ACTR3C: variants seen among roughly 807,000 people sequenced by gnomAD.
The protein encoded by ACTR3C is actin-related protein 3C.
In ACTR3C, 18 loss-of-function variants were observed where a neutral mutation model predicts 26.3. The observed-to-expected ratio is 0.68, with a 90% CI of 0.47 to 1.01. The LOEUF is 1.01. ACTR3C is among the 50% of genes least tolerant of loss of function. The probability of loss-of-function intolerance (pLI) is 0.00; values close to 1 mark genes in which losing one functional copy is unlikely to be tolerated. For synonymous variants in ACTR3C, 55 were observed against 94.5 expected (o/e 0.58, Z 2.42); for missense variants, 184 against 250.7 (o/e 0.73, Z 1.80).
At chr7:150,155,524 G>C in the ACTR3C span, among the ~76,000 whole-genome samples, 2 of 152,098 alleles carry the variant, frequency 1.3e-5, no homozygotes, top group South Asian at 4.2e-4. Flanking sequence ...AACACACAAC[G>C]TTTACATAAG....
the ACTR3C span, among the ~76,000 whole-genome samples, chr7:150,007,124 A>T: frequency 6.6e-6 from 1 of 152,012 alleles, no homozygotes; most frequent in African/African-American, 2.4e-5. Flanking sequence ...AAGTGTGAAG[A>T]CTGGGAAAGA....
chr7:150,180,574 G>A, the ACTR3C span, among the ~76,000 whole-genome samples: 9 of 143,980 alleles, frequency 6.3e-5, no homozygotes, highest in Non-Finnish European at 1.0e-4. Context: ...GTGCAGTGGC[G>A]CGGTCTCGGC....
At chr7:150,154,001 C>A in the ACTR3C span, among the ~76,000 whole-genome samples, 1 of 146,798 alleles carries the variant, frequency 6.8e-6, no homozygotes, top group East Asian at 2.0e-4. Flanking sequence ...CATATTCTCA[C>A]TTATAGGTGG....
At chr7:149,975,094 G>A in the ACTR3C span, among the ~76,000 whole-genome samples, 3 of 152,174 alleles carry the variant, frequency 2.0e-5, no homozygotes, top group Non-Finnish European at 4.4e-5. Context: ...GAATACACAT[G>A]TCCCCCCAGT....
chr7:149,906,489 T>C, the ACTR3C span, among the ~76,000 whole-genome samples: 1 of 135,218 alleles, frequency 7.4e-6, no homozygotes, highest in South Asian at 2.5e-4. Context: ...TGGAGTGCAG[T>C]GGTGCAATTT....
At chr7:149,969,799 G>A in the ACTR3C span, among the ~76,000 whole-genome samples, 2 of 152,168 alleles carry the variant, frequency 1.3e-5, no homozygotes, top group African/African-American at 4.8e-5. Flanking sequence ...TTAGCGTTAT[G>A]TTTAATTGTT....
At chr7:150,243,945 A>G (rs922487678), downstream of ACTR3C, 3 of 151,758 alleles carry the variant, frequency 2.0e-5, no homozygotes, top group Non-Finnish European at 4.4e-5. Context: ...AGAGACAGGC[A>G]TATCATACAT....
chr7:149,937,782 A>AGG, the ACTR3C span, among the ~76,000 whole-genome samples: 1 of 152,148 alleles, frequency 6.6e-6, no homozygotes, highest in African/African-American at 2.4e-5. Flanking sequence ...GAGCAAGTGA[A>AGG]TATGCAGGAA....
chr7:150,173,362 G>C, the ACTR3C span, among the ~76,000 whole-genome samples: 5 of 145,744 alleles, frequency 3.4e-5, no homozygotes, highest in South Asian at 2.1e-4. Flanking sequence ...CACCTTCTGA[G>C]GCTACAGCCT....
At chr7:150,312,685 T>A (rs1192600486) in intron 1 of ACTR3C, among the ~76,000 whole-genome samples, 1 of 152,166 alleles carries the variant, frequency 6.6e-6, no homozygotes, top group East Asian at 1.9e-4. Context: ...CTTTAAGGTG[T>A]CCATGCAGTC....
At chr7:149,929,508 A>G in the ACTR3C span, among the ~76,000 whole-genome samples, 1 of 148,660 alleles carries the variant, frequency 6.7e-6, no homozygotes, top group Admixed American at 6.8e-5. Flanking sequence ...GTACTTACGT[A>G]AAATATTTCC....
At chr7:149,883,279 A>G in the ACTR3C span, among the ~76,000 whole-genome samples, 78,762 of 151,920 alleles carry the variant, frequency 0.52, 20,828 homozygotes, top group Middle Eastern at 0.6. Context: ...GGGTTTGGAC[A>G]CAGTCACTAT....
At chr7:150,285,266 G>C (rs1266969284) in intron 5 of ACTR3C, among the ~76,000 whole-genome samples, 1 of 152,214 alleles carries the variant, frequency 6.6e-6, no homozygotes, top group Non-Finnish European at 1.5e-5. Context: ...TTCAATGAAA[G>C]ATTAATTAAA....
the ACTR3C span, among the ~76,000 whole-genome samples, chr7:149,888,968 A>G: frequency 8.5e-5 from 13 of 152,116 alleles, no homozygotes; most frequent in African/African-American, 2.9e-4. Flanking sequence ...AGATCACGCC[A>G]CTGCACTCCA....
At chr7:150,039,269 G>T in the ACTR3C span, among the ~76,000 whole-genome samples, 4 of 148,214 alleles carry the variant, frequency 2.7e-5, no homozygotes, top group South Asian at 2.1e-4. Flanking sequence ...CTCTGCCTCG[G>T]GGGGGTGCCT....
At chr7:150,039,211 GA>G in the ACTR3C span, among the ~76,000 whole-genome samples, 3 of 147,328 alleles carry the variant, frequency 2.0e-5, no homozygotes, top group Admixed American at 2.0e-4. Context: ...CCACCTCTGC[GA>G]TGGGGGTCCT....
the ACTR3C span, among the ~76,000 whole-genome samples, chr7:150,109,802 A>T: frequency 6.8e-5 from 10 of 147,828 alleles, no homozygotes; most frequent in Non-Finnish European, 1.3e-4. Context: ...CCAGCAAATA[A>T]GAGAAAATCT....
the ACTR3C span, among the ~76,000 whole-genome samples, chr7:150,231,482 G>C: frequency 6.6e-6 from 1 of 151,040 alleles, no homozygotes; most frequent in African/African-American, 2.4e-5. Flanking sequence ...GAACATGCTG[G>C]CTGCCCTTCA....
the ACTR3C span, among the ~76,000 whole-genome samples, chr7:150,037,404 T>C: frequency 4.5e-5 from 2 of 44,884 alleles, no homozygotes; most frequent in African/African-American, 1.3e-4. Flanking sequence ...ATGGGGGTCC[T>C]AAGAGCCAGT....
Sources: allele counts gnomAD v4.1 joint callset (sites outside exome capture counted in the v4.1 genomes callset), GRCh38; gene constraint gnomAD v4.1.1; transcripts MANE v1.5; gene names NCBI Gene and HGNC (gene_info 2026-07-23, HGNC 2026-07-21).